Variants in GRIP1 observed in about 807,000 individuals in gnomAD.
The protein encoded by GRIP1 is glutamate receptor interacting protein 1, also known as glutamate receptor-interacting protein 1.
In GRIP1, 45 loss-of-function variants were observed where a neutral mutation model predicts 129.9. The observed-to-expected ratio is 0.35, with a 90% CI of 0.27 to 0.44. The LOEUF (loss-of-function observed/expected upper bound fraction) is 0.44. Ranked by LOEUF, GRIP1 falls within the 20% of genes least tolerant of loss-of-function variation. The pLI is 1.00. For missense variants in GRIP1, 1,196 were observed against 1,396.8 expected, an observed-to-expected ratio of 0.86 and a Z score of 2.29; for synonymous variants, 530 against 520.8, an observed-to-expected ratio of 1.02 and a Z score of -0.24.
chr12:66,594,241 T>C (rs1027843597), intron 2 of GRIP1, among the ~76,000 whole-genome samples: 2 of 152,010 alleles, frequency 1.3e-5, no homozygotes, highest in Non-Finnish European at 2.9e-5. Context: ...TTCTTTTCAT[T>C]GGTGCACTTT....
At position 66,777,139 on chromosome 12, in the gene GRIP1, G is replaced by C. The variant is rs145546518; in HGVS notation, c.-420+26914C>G. Among the ~76,000 whole-genome samples the C allele has an allele frequency of 1.4e-3, 212 of 152,252 alleles. 4 individuals carry two copies. In the East Asian group the frequency reaches 0.033, roughly 24 times the overall value. On this transcript the variant is annotated intron_variant, in intron 1 of 4. Coordinates refer to the GRIP1 transcript ENST00000538373. The stretch of plus-strand genomic sequence containing the variant: ...AGACCTTCTTACACTCAGAGTGAAA[G>C]GCTCAGTGGTGACAGGAGCCTTGAA...
chr12:66,623,075 A>G (rs1034076027), intron 1 of GRIP1, among the ~76,000 whole-genome samples: 22 of 152,158 alleles, frequency 1.4e-4, no homozygotes, highest in African/African-American at 5.3e-4. Context: ...TGAACAGTAG[A>G]TGCTCAGTAG....
Position 66,444,619 on chromosome 12 carries a change from C to T in GRIP1, c.1652G>A (p.Ser551Asn). ...AAACTCGATTTCCAGTGTGACCTTG[C>T]TCGTGATTGAAGAGTCTCGGAGGAG... ...SQLLRDSSIT[S>N]KVTLEIEFDV... is the part of the protein sequence containing the mutation. Residue 551 changes from serine to asparagine, a missense_variant, in exon 13 of 25, where the codon AGC becomes AAC. Around this residue, in one of 5 missense-constraint regions of GRIP1, gnomAD observed 508 missense variants for 587.0 expected, o/e 0.87. Coordinates refer to ENST00000359742, the MANE Select transcript of GRIP1 (RefSeq NM_001366722.1). The T allele has an allele frequency of 1.2e-6, 2 of 1,613,884 alleles. No individual in the cohort carries two copies. The highest frequency in any genetic ancestry group is 1.7e-6 in the Non-Finnish European group (2 of 1,179,974).
intron 1 of GRIP1, among the ~76,000 whole-genome samples, chr12:66,961,808 C>T (rs930564437): frequency 2.0e-5 from 3 of 152,132 alleles, no homozygotes; most frequent in Non-Finnish European, 4.4e-5. Flanking sequence ...CTACCACTAC[C>T]GCCATTAGTG....
chr12:66,961,711 C>T (rs1477338214), intron 1 of GRIP1, among the ~76,000 whole-genome samples: 2 of 152,042 alleles, frequency 1.3e-5, no homozygotes, highest in Non-Finnish European at 1.5e-5. Flanking sequence ...TGAATACTTA[C>T]ATAGGCATTT....
At chr12:66,799,116 A>AT (rs2038785360) in intron 1 of GRIP1, among the ~76,000 whole-genome samples, 1 of 152,152 alleles carries the variant, frequency 6.6e-6, no homozygotes, top group Admixed American at 6.6e-5. Context: ...TTATCTAAAA[A>AT]TATACTCAGG....
chr12:66,713,957 AG>A (rs1371555245), intron 1 of GRIP1, among the ~76,000 whole-genome samples: 4 of 152,066 alleles, frequency 2.6e-5, no homozygotes, highest in African/African-American at 7.2e-5. Context: ...GAGATAGGCA[AG>A]GGTAAAAAAA....
chr12:66,679,444 CAAAAAAAA>C (rs10691128), upstream of GRIP1, among the ~76,000 whole-genome samples: 13 of 117,440 alleles, frequency 1.1e-4, no homozygotes, highest in Non-Finnish European at 1.4e-4. Context: ...AAACAACAAC[CAAAAAAAA>C]AAAAAAAAAA....
At chr12:67,033,359 G>A (rs990080297) in intron 1 of GRIP1, among the ~76,000 whole-genome samples, 2 of 151,112 alleles carry the variant, frequency 1.3e-5, no homozygotes, top group African/African-American at 4.9e-5. Flanking sequence ...TGATCATTAG[G>A]TCATATAGAG....
At chr12:67,037,095 G>T (rs1211170495) in intron 1 of GRIP1, among the ~76,000 whole-genome samples, 1 of 152,006 alleles carries the variant, frequency 6.6e-6, no homozygotes, top group African/African-American at 2.4e-5. Context: ...ACTTTGGAAG[G>T]CCAAGGTGGG....
intron 2 of GRIP1, among the ~76,000 whole-genome samples, chr12:66,574,146 G>A (rs1413662118): frequency 6.6e-6 from 1 of 152,206 alleles, no homozygotes; most frequent in Non-Finnish European, 1.5e-5. Flanking sequence ...AGCTGGCAGA[G>A]ATGCCTCGTC....
upstream of GRIP1, among the ~76,000 whole-genome samples, chr12:66,682,230 C>A (rs1278139254): frequency 6.6e-6 from 1 of 152,116 alleles, no homozygotes; most frequent in African/African-American, 2.4e-5. Context: ...GTGCCTATCA[C>A]CTTCTCCCCT....
At chr12:66,620,086 C>A (rs548475840) in intron 1 of GRIP1, among the ~76,000 whole-genome samples, 19 of 152,260 alleles carry the variant, frequency 1.2e-4, no homozygotes, top group Admixed American at 6.6e-4. Flanking sequence ...ATTAAGCTAC[C>A]TGCTCAAGTT....
At chr12:66,890,542 T>A (rs2040641433) in intron 1 of GRIP1, among the ~76,000 whole-genome samples, 2 of 152,212 alleles carry the variant, frequency 1.3e-5, no homozygotes, top group Non-Finnish European at 2.9e-5. Flanking sequence ...AACTTACTTG[T>A]TAGTCTGGGT....
At chr12:66,465,750 T>C (rs1264136995) in intron 7 of GRIP1, among the ~76,000 whole-genome samples, 1 of 152,188 alleles carries the variant, frequency 6.6e-6, no homozygotes, top group Admixed American at 6.5e-5. Flanking sequence ...ATATACTAGG[T>C]CTCTCAGTAA....
At chr12:66,678,261 G>A (rs2034431754) in intron 1 of GRIP1, among the ~76,000 whole-genome samples, 1 of 152,160 alleles carries the variant, frequency 6.6e-6, no homozygotes, top group African/African-American at 2.4e-5. Context: ...ATAAGATTCC[G>A]AGCAATGATT....
rs910829721 is a variant in GRIP1, at chr12:66,350,108, C to A, written c.3160-862G>T. 2.0e-5 allele frequency among the ~76,000 whole-genome samples: 3 copies of A among 152,256 alleles called. No homozygotes were observed. The East Asian group carries it at 5.8e-4, about 30-fold the overall frequency. On this transcript the variant is annotated intron_variant, in intron 24 of 24. Transcript: ENST00000359742. ...CCTCCTCACCCTTAAAACTCTCCTT[C>A]CTTAGTTCTACAACCCCACTTCGTT...
chr12:66,354,262 G>A (rs1227519082), intron 23 of GRIP1, among the ~76,000 whole-genome samples: 1 of 152,110 alleles, frequency 6.6e-6, no homozygotes, highest in African/African-American at 2.4e-5. Context: ...AACCACAGCT[G>A]GCTAAAGCCT....
chr12:67,050,918 T>C (rs2043334976), intron 1 of GRIP1, among the ~76,000 whole-genome samples: 1 of 152,188 alleles, frequency 6.6e-6, no homozygotes, highest in African/African-American at 2.4e-5. Context: ...TTGTCTGGCA[T>C]GTCCAGAAAG....
Sources: gnomAD v4.1 joint callset for allele counts (sites outside exome capture counted in the v4.1 genomes callset) on GRCh38, gnomAD v4.1.1 for gene constraint, gnomAD v4.1.1 regional missense constraint, MANE v1.5 for transcripts, NCBI Gene and HGNC (gene_info 2026-07-23, HGNC 2026-07-21) for gene names.